The following MXI1 variants were observed in gnomAD, a reference collection of about 807,000 sequenced individuals.
MXI1 encodes max-interacting protein 1.
A neutral mutation model predicts 36.9 loss-of-function variants in MXI1; 18 were observed. The observed-to-expected ratio is 0.49, with a 90% CI of 0.34 to 0.72. The LOEUF is 0.72. Ranked by LOEUF, MXI1 falls within the 30% of genes least tolerant of loss-of-function variation. MXI1 has a pLI of 0.01. For synonymous variants in MXI1, 160 were observed against 146.7 expected, an observed-to-expected ratio of 1.09 and a Z score of -0.65; for missense variants, 304 against 379.1, an observed-to-expected ratio of 0.80 and a Z score of 1.64.
chr10:110,236,569 A>G (rs917357283), intron 2 of MXI1, among the ~76,000 whole-genome samples: 12 of 152,174 alleles, frequency 7.9e-5, no homozygotes, highest in Admixed American at 2.0e-4. Context: ...TGATTCTCCC[A>G]TCGCAGCCTC....
chr10:110,210,939 G>C (rs917648427), intron 1 of MXI1, among the ~76,000 whole-genome samples: 6 of 152,210 alleles, frequency 3.9e-5, no homozygotes, highest in African/African-American at 1.4e-4. Flanking sequence ...CAGTCGTTGG[G>C]GGAGGGAGAG....
At chr10:110,245,632 A>G (rs1270040809) in intron 3 of MXI1, 1 of 152,222 alleles carries the variant, frequency 6.6e-6, no homozygotes, top group Non-Finnish European at 1.5e-5. Flanking sequence ...AGTCTTGTCT[A>G]CCATGCCCAA....
chr10:110,228,818 C>A (rs1590344373), intron 2 of MXI1, among the ~76,000 whole-genome samples: 1 of 152,232 alleles, frequency 6.6e-6, no homozygotes, highest in African/African-American at 2.4e-5. Context: ...AGTTTTGCCT[C>A]TTTAAATGAT....
chr10:110,252,521 C>G (rs1448009842), intron 3 of MXI1, among the ~76,000 whole-genome samples: 2 of 152,094 alleles, frequency 1.3e-5, no homozygotes, highest in African/African-American at 4.8e-5. Context: ...GTTCTCAACT[C>G]TCAGGTCATC....
At chr10:110,257,043 G>A (rs577454097) in intron 3 of MXI1, 8 of 152,212 alleles carry the variant, frequency 5.3e-5, no homozygotes, top group African/African-American at 1.9e-4. Context: ...TGGAATTACC[G>A]TCTTCCAGTA....
intron 1 of MXI1, among the ~76,000 whole-genome samples, chr10:110,219,300 AAAAAAC>A (rs567743479): frequency 5.9e-5 from 9 of 152,238 alleles, no homozygotes; most frequent in South Asian, 2.1e-4. Flanking sequence ...ACTCCGTGTC[AAAAAAC>A]AAAAACAAAA....
intron 3 of MXI1, among the ~76,000 whole-genome samples, chr10:110,275,574 C>T (rs780382711): frequency 6.6e-6 from 1 of 152,194 alleles, no homozygotes; most frequent in Non-Finnish European, 1.5e-5. Flanking sequence ...ATCCATTGCT[C>T]TTGGAAGGGT....
intron 3 of MXI1, chr10:110,245,954 TAGA>T (rs533045887): frequency 4.0e-4 from 61 of 152,100 alleles, no homozygotes; most frequent in East Asian, 7.7e-4. Flanking sequence ...AGAAAAGAAA[TAGA>T]AGAAGAAGAC....
chr10:110,269,515 T>C (rs557680384), intron 3 of MXI1, among the ~76,000 whole-genome samples: 1 of 152,164 alleles, frequency 6.6e-6, no homozygotes, highest in South Asian at 2.1e-4. Context: ...TCTTCCATCC[T>C]GGACAATAAT....
At chr10:110,243,204 A>T (rs1281126385) in intron 2 of MXI1, among the ~76,000 whole-genome samples, 1 of 152,076 alleles carries the variant, frequency 6.6e-6, no homozygotes, top group African/African-American at 2.4e-5. Flanking sequence ...GTCTCTGTTA[A>T]ACTAGGATTT....
chr10:110,233,416 T>A (rs1855342293), intron 2 of MXI1, among the ~76,000 whole-genome samples: 1 of 152,120 alleles, frequency 6.6e-6, no homozygotes, highest in African/African-American at 2.4e-5. Flanking sequence ...CAGTAGTAAT[T>A]TGAGATGCTT....
chr10:110,219,035 C>T (rs1391124833), intron 1 of MXI1, among the ~76,000 whole-genome samples: 5 of 152,232 alleles, frequency 3.3e-5, no homozygotes, highest in Non-Finnish European at 7.3e-5. Context: ...CGAGGTGGCT[C>T]ATGCCTGTAA....
chr10:110,265,551 TATAAAG>T (rs1446089298), intron 3 of MXI1, among the ~76,000 whole-genome samples: 3 of 152,178 alleles, frequency 2.0e-5, no homozygotes, highest in Non-Finnish European at 4.4e-5. Flanking sequence ...ACAGAGGACT[TATAAAG>T]ATAATTACAA....
intron 1 of MXI1, among the ~76,000 whole-genome samples, chr10:110,219,889 C>G (rs562890884): frequency 1.3e-5 from 2 of 152,192 alleles, no homozygotes. Context: ...AACACAGGAG[C>G]TGTTGGTGTG....
intron 1 of MXI1, among the ~76,000 whole-genome samples, chr10:110,208,987 C>G (rs1311832611): frequency 6.6e-6 from 1 of 152,080 alleles, no homozygotes; most frequent in African/African-American, 2.4e-5. Context: ...TGGTCGATTT[C>G]TACTCCCCCC....
intron 1 of MXI1, chr10:110,226,440 G>C: frequency 3.1e-6 from 2 of 645,648 alleles, no homozygotes; most frequent in Non-Finnish European, 3.6e-6. Context: ...GGGTAGAGGA[G>C]CGCGCGTGTG....
intron 2 of MXI1, among the ~76,000 whole-genome samples, chr10:110,240,192 T>C (rs1855621059): frequency 6.6e-6 from 1 of 152,106 alleles, no homozygotes; most frequent in Non-Finnish European, 1.5e-5. Context: ...GCTTCCAGTT[T>C]GGGGCCAGTA....
chr10:110,211,048 G>T (rs1373955681), intron 1 of MXI1, among the ~76,000 whole-genome samples: 2 of 151,468 alleles, frequency 1.3e-5, no homozygotes, highest in East Asian at 3.9e-4. Flanking sequence ...ATTGGGGGTG[G>T]GGTTGGGTAG....
At chr10:110,252,348 A>G (rs1856124085) in intron 3 of MXI1, among the ~76,000 whole-genome samples, 1 of 152,106 alleles carries the variant, frequency 6.6e-6, no homozygotes, top group Admixed American at 6.6e-5. Flanking sequence ...ATTAGATAAA[A>G]TCTGTGGCCT....
Sources: allele counts gnomAD v4.1 joint callset (sites outside exome capture counted in the v4.1 genomes callset), GRCh38; gene constraint gnomAD v4.1.1; transcripts MANE v1.5; gene names NCBI Gene and HGNC (gene_info 2026-07-23, HGNC 2026-07-21).